The following FNDC5 variants were observed in gnomAD, a reference collection of about 807,000 sequenced individuals.
The protein encoded by FNDC5 is fibronectin type III domain-containing protein 5.
Under a neutral mutation model 24.6 loss-of-function variants are expected in FNDC5, and 10 were observed. The ratio of observed to expected loss-of-function variants is 0.41; its 90% CI spans 0.25 to 0.69. The LOEUF is 0.69. FNDC5 is among the 30% of genes least tolerant of loss of function. The pLI is 0.34. For missense variants in FNDC5, 226 were observed against 282.9 expected, an observed-to-expected ratio of 0.80 and a Z score of 1.44; for synonymous variants, 90 against 110.7, an observed-to-expected ratio of 0.81 and a Z score of 1.18.
chr1:32,867,219 AAG>A (rs1247935493), intron 4 of FNDC5, among the ~76,000 whole-genome samples: 17 of 152,202 alleles, frequency 1.1e-4, no homozygotes, highest in Admixed American at 1.1e-3. Context: ...AGAAGGGCTA[AAG>A]AGAGGAGTGA....
At chr1:32,867,963 G>T in intron 3 of FNDC5, 121 bp from the exon 4 acceptor site, 2 of 1,087,406 alleles carry the variant, frequency 1.8e-6, no homozygotes, top group Non-Finnish European at 2.7e-6. Flanking sequence ...ATACATTCTA[G>T]AATGCACTGA....
At chr1:32,869,948 AG>A (rs1641146561) in intron 1 of FNDC5, among the ~76,000 whole-genome samples, 1 of 151,762 alleles carries the variant, frequency 6.6e-6, no homozygotes, top group Admixed American at 6.6e-5. Context: ...ATGGAGGGGG[AG>A]GTGGAGAGAC....
In FNDC5 at chr1:32,864,803, G is replaced by T. The variant is rs1641039477; in HGVS notation, c.500-6C>A. On this transcript the variant is annotated splice_polypyrimidine_tract_variant and splice_region_variant and intron_variant, in intron 4 of 5. Coordinates refer to ENST00000373471, the MANE Select transcript of FNDC5 (RefSeq NM_153756.3). ...GCAGAAGAGGGCAATGACACCTGAG[G>T]GGGGACAAGTGAGCAGTCAGAGGCC... 4 of 1,613,838 alleles carry T rather than the reference G, an allele frequency of 2.5e-6. No individual in the cohort carries two copies. The South Asian group carries it at 3.3e-5, about 13-fold the overall frequency.
intron 1 of FNDC5, among the ~76,000 whole-genome samples, 199 bp from the exon 2 acceptor site, chr1:32,869,196 C>T (rs1641130252): frequency 1.3e-5 from 2 of 152,258 alleles, no homozygotes; most frequent in Admixed American, 1.3e-4. Context: ...GCCCCAGGCT[C>T]CTCATGACTG....
At position 32,863,262 on chromosome 1, in the gene FNDC5, C is replaced by T. The variant is rs188449869; in HGVS notation, c.*1032G>A. ...GAGACAAACCAGGTAACATCTTACA[C>T]GCTTGCAAAAGTGTGCATCACACCA... On this transcript the variant is annotated 3_prime_UTR_variant, in exon 6 of 6. Transcript: ENST00000373471. The T allele has an allele frequency of 1.1e-3, 175 of 158,730 alleles. 1 individual carries two copies. Among genetic ancestry groups the T allele is most frequent in the Non-Finnish European group, 1.9e-3 (132 of 71,324 alleles). 9.8% of individuals were successfully genotyped at this position (158,730 alleles called of 1,614,324 possible).
At chr1:32,866,224 G>A (rs577558110) in intron 4 of FNDC5, among the ~76,000 whole-genome samples, 11 of 151,960 alleles carry the variant, frequency 7.2e-5, no homozygotes, top group Non-Finnish European at 1.5e-4. Context: ...ATCTAATAAC[G>A]CACCATAAGC....
chr1:32,863,922 G>A lies in FNDC5; in HGVS notation c.*372C>T. 1 of 1,272,334 alleles carries A rather than the reference G, an allele frequency of 7.9e-7. No homozygotes were observed. 78.8% of individuals were successfully genotyped at this position (1,272,334 alleles called of 1,614,324 possible). A position where few individuals can be genotyped will look rare whatever the true frequency, so the allele number is the denominator to read the frequency against. On this transcript the variant is annotated 3_prime_UTR_variant, in exon 6 of 6. Transcript: ENST00000373471. ...GCTCTTGTCCCTTGTGGAAAGAAAA[G>A]AGAAGCCCTGCCTGGATGTCTTGTC...
chr1:32,871,810 T>G (rs1641189242), upstream of FNDC5, among the ~76,000 whole-genome samples: 1 of 152,210 alleles, frequency 6.6e-6, no homozygotes, highest in Non-Finnish European at 1.5e-5. Context: ...GAAAACAGTC[T>G]GCAGCAATCT....
intron 4 of FNDC5, 35 bp downstream of exon 4, chr1:32,867,718 T>C: frequency 6.2e-7 from 1 of 1,601,098 alleles, no homozygotes; most frequent in South Asian, 1.1e-5. Context: ...TCCCAGAATC[T>C]GAGGGAAGAA....
intron 1 of FNDC5, among the ~76,000 whole-genome samples, chr1:32,870,393 GTTAGGGGAATGGGA>G (rs1641156633): frequency 6.6e-6 from 1 of 152,148 alleles, no homozygotes; most frequent in Non-Finnish European, 1.5e-5. Flanking sequence ...AAGACCTGGG[GTTAGGGGAATGGGA>G]TTAGGGGACT....
In FNDC5 at chr1:32,864,383, A is replaced by G. The variant is rs1641028480; in HGVS notation, c.634-84T>C. On this transcript the variant is annotated intron_variant, in intron 5 of 5. Coordinates refer to ENST00000373471, the MANE Select transcript of FNDC5 (RefSeq NM_153756.3). Reference sequence around the variant, plus strand: ...GGCACAGCAGGAGCAGGAATGGGCCAGACACCCCACTCCTATTGTCCCGCG... The same window carrying G: ...GGCACAGCAGGAGCAGGAATGGGCCGGACACCCCACTCCTATTGTCCCGCG... 5 of 1,586,474 alleles carry G rather than the reference A, an allele frequency of 3.2e-6. No individual in the cohort carries two copies. The African/African-American group carries it at 4.0e-5, about 13-fold the overall frequency.
At position 32,867,848 on chromosome 1, in the gene FNDC5, G is replaced by A; in HGVS notation, c.410-6C>T. ...CTCTTTCATGGTTACCTCATCTGCA[G>A]GGAGAGAGACACTAGATCCAGCACT... On this transcript the variant is annotated splice_region_variant and splice_polypyrimidine_tract_variant and intron_variant, in intron 3 of 5. Coordinates refer to ENST00000373471, the MANE Select transcript of FNDC5 (RefSeq NM_153756.3). The A allele has an allele frequency of 6.2e-7, 1 of 1,613,768 alleles. No individual in the cohort carries two copies. Among genetic ancestry groups the A allele is most frequent in the South Asian group, 1.1e-5 (1 of 91,054 alleles).
upstream of FNDC5, among the ~76,000 whole-genome samples, chr1:32,871,821 C>CT (rs926610620): frequency 4.6e-5 from 7 of 152,232 alleles, no homozygotes; most frequent in Admixed American, 4.6e-4. Context: ...GCAGCAATCT[C>CT]TAAGAGCATC....
At chr1:32,864,907 A>G (rs905188918) in intron 4 of FNDC5, 110 bp from the exon 5 acceptor site, 2 of 1,471,454 alleles carry the variant, frequency 1.4e-6, no homozygotes, top group African/African-American at 2.8e-5. Context: ...CCTCACCTGT[A>G]CTACTGCAGC....
At position 32,868,287 on chromosome 1, in the gene FNDC5, G is replaced by A. The variant is rs772243605; in HGVS notation, c.312C>T (p.His104=). The change falls in exon 3 of 6, where the codon CAC becomes CAT. Residue 104 remains histidine (H), a synonymous_variant. Coordinates refer to ENST00000373471, the MANE Select transcript of FNDC5 (RefSeq NM_153756.3). The surrounding 1 kb of genome is among the most constrained non-coding windows in gnomAD (Gnocchi z 4.8). ...GGCCCTGAATGGAGATGGCCTGCAC[G>A]TGGACTATGTACTCCGTATCCTCCT... 6.0e-5 allele frequency: 97 copies of A among 1,614,068 alleles called. No homozygotes were observed. Among genetic ancestry groups the A allele is most frequent in the Non-Finnish European group, 8.0e-5 (94 of 1,180,038 alleles).
At position 32,862,362 on chromosome 1, in the gene FNDC5, C is replaced by T. The variant is rs1640984572; in HGVS notation, c.*1932G>A. ...GACCTCTCCCCTAAGGAGCCTTGGC[C>T]TTGCAGCCCCATTCAGCAGGGATGG... On this transcript the variant is annotated 3_prime_UTR_variant, in exon 6 of 6. Transcript: ENST00000373471. 6.5e-6 allele frequency: 1 copy of T among 152,692 alleles called. No individual in the cohort carries two copies. Among genetic ancestry groups the T allele is most frequent in the Non-Finnish European group, 1.5e-5 (1 of 68,068 alleles). The allele number at this position is 152,692 out of a possible 1,614,324, so 9.5% of individuals were successfully genotyped here.
chr1:32,869,570 A>C (rs1641138821), intron 1 of FNDC5, among the ~76,000 whole-genome samples: 1 of 152,186 alleles, frequency 6.6e-6, no homozygotes, highest in East Asian at 1.9e-4. Flanking sequence ...AGTCTGTGTG[A>C]GCCTCTTATC....
chr1:32,865,910 C>G (rs1641062771), intron 4 of FNDC5, among the ~76,000 whole-genome samples: 1 of 152,298 alleles, frequency 6.6e-6, no homozygotes, highest in African/African-American at 2.4e-5. Context: ...ACTCCAGGGC[C>G]TGCAGTCTGT....
rs777456142 is a variant in FNDC5 at position 32,864,168 on chromosome 1, G to A, written c.*126C>T. 32 of 1,598,640 alleles carry A rather than the reference G, an allele frequency of 2.0e-5. No individual in the cohort carries two copies. The highest frequency in any genetic ancestry group is 1.8e-5 in the Non-Finnish European group (21 of 1,171,980). On this transcript the variant is annotated 3_prime_UTR_variant, in exon 6 of 6. Coordinates refer to ENST00000373471, the MANE Select transcript of FNDC5 (RefSeq NM_153756.3). Reference sequence around the variant, plus strand: ...GACAGTAAGCCAGAGGGTACAAGGAGATGGAGGGAAGAGATGTAGAGAGGG... The same window carrying A: ...GACAGTAAGCCAGAGGGTACAAGGAAATGGAGGGAAGAGATGTAGAGAGGG...
Sources: gnomAD v4.1 joint callset for allele counts (sites outside exome capture counted in the v4.1 genomes callset) on GRCh38, gnomAD v4.1.1 for gene constraint, Gnocchi (gnomAD v3.1) non-coding constraint, MANE v1.5 for transcripts, NCBI Gene and HGNC (gene_info 2026-07-23, HGNC 2026-07-21) for gene names.